TLL1: variants seen among roughly 807,000 people sequenced by gnomAD.
TLL1 encodes tolloid-like protein 1.
In TLL1, 49 loss-of-function variants were observed where a neutral mutation model predicts 128.2. That is an observed-to-expected ratio of 0.38 (90% CI 0.30 to 0.48). TLL1 has a LOEUF of 0.48. TLL1 is among the 20% of genes least tolerant of loss of function. The pLI is 0.96. For synonymous variants in TLL1, 454 were observed against 418.8 expected (o/e 1.08, Z -1.03); for missense variants, 1,123 against 1,242.0 (o/e 0.90, Z 1.44).
At chr4:165,930,057 G>A (rs1733446624) in intron 1 of TLL1, among the ~76,000 whole-genome samples, 1 of 152,140 alleles carries the variant, frequency 6.6e-6, no homozygotes, top group African/African-American at 2.4e-5. Context: ...AGAAAGAGCA[G>A]ACTTGGCTGG....
chr4:165,923,422 T>G (rs1733127428), intron 1 of TLL1, among the ~76,000 whole-genome samples: 1 of 65,084 alleles, frequency 1.5e-5, no homozygotes, highest in Non-Finnish European at 2.6e-5. Context: ...TAGGTATACC[T>G]TTTTTTTTTT....
At position 165,881,977 on chromosome 4, in the gene TLL1, G is replaced by A. The variant is rs1456990246; in HGVS notation, c.169+7904G>A. Among the ~76,000 whole-genome samples the A allele has an allele frequency of 2.0e-5, 3 of 152,162 alleles. No homozygotes were observed. The East Asian group carries it at 5.8e-4, about 29-fold the overall frequency. ...TCATGATTATGAGCCCATACAGAGTGCAAGAACATCCTTTCAAATGCAGGT... is the reference window on the plus strand; with the variant it reads ...TCATGATTATGAGCCCATACAGAGTACAAGAACATCCTTTCAAATGCAGGT... On this transcript the variant is annotated intron_variant, in intron 1 of 20. Transcript: ENST00000061240.
In TLL1 at chr4:166,069,568, A is replaced by G. The variant is rs115773704; in HGVS notation, c.2188+3705A>G. Among the ~76,000 whole-genome samples the G allele has an allele frequency of 7.2e-3, 1,100 of 151,904 alleles. 11 individuals carry two copies. Among genetic ancestry groups the G allele is most frequent in the African/African-American group, 0.026 (1,062 of 41,550 alleles). The stretch of plus-strand genomic sequence containing the variant: ...AAGTTTTAACATACAATGAAATAAT[A>G]TATTTATAGTATTATTTTCAACATA... On this transcript the variant is annotated intron_variant, in intron 16 of 20. Transcript: ENST00000061240.
chr4:166,061,424 T>C (rs767111703), intron 15 of TLL1, among the ~76,000 whole-genome samples: 1 of 151,950 alleles, frequency 6.6e-6, no homozygotes, highest in African/African-American at 2.4e-5. Context: ...TTTTTGCATT[T>C]AGTAGAGACG....
intron 1 of TLL1, among the ~76,000 whole-genome samples, chr4:165,890,941 C>G (rs1039892905): frequency 6.6e-6 from 1 of 152,198 alleles, no homozygotes; most frequent in South Asian, 2.1e-4. Flanking sequence ...GCCTGGACAT[C>G]CAGGCACTTC....
chr4:166,042,244 T>C (rs1034672707), intron 11 of TLL1, 101 bp downstream of exon 11: 18 of 827,038 alleles, frequency 2.2e-5, no homozygotes, highest in Middle Eastern at 2.5e-4. Flanking sequence ...TATTGTAAAA[T>C]TATGAATTTT....
rs1740957155 is a variant in TLL1, at chr4:166,074,988, C to G, written c.2299C>G (p.His767Asp). 1.2e-6 allele frequency: 2 copies of G among 1,613,402 alleles called. No homozygotes were observed. The highest frequency in any genetic ancestry group is 2.7e-5 in the African/African-American group (2 of 74,900). Residue 767 changes from histidine (H) to aspartate (D), a missense_variant, in exon 17 of 21, where the codon CAT (histidine) becomes GAT (aspartate). His to Asp is a moderately conservative substitution (Grantham distance 81). Around this residue, in one of 3 missense-constraint regions of TLL1, gnomAD observed 634 missense variants for 672.4 expected, o/e 0.94. Coordinates refer to ENST00000061240, the MANE Select transcript of TLL1 (RefSeq NM_012464.5). ...RNGFVLHDNK[H>D]DCKEAECEQK... ...TGGATTTGTGCTACATGACAATAAA[C>G]ATGATTGCAAGGAAGGTATGGAACG... is the stretch of plus-strand genomic sequence containing the variant.
chr4:165,937,860 C>T (rs1033918759), intron 1 of TLL1, among the ~76,000 whole-genome samples: 2 of 126,492 alleles, frequency 1.6e-5, no homozygotes, highest in African/African-American at 2.8e-5. Flanking sequence ...CCCACCCCCC[C>T]CCCAAAAAAA....
chr4:165,968,770 T>C (rs1438901722), intron 1 of TLL1, among the ~76,000 whole-genome samples: 1 of 152,084 alleles, frequency 6.6e-6, no homozygotes, highest in Non-Finnish European at 1.5e-5. Flanking sequence ...TGAGATAGAA[T>C]TGTTGTAGTA....
At chr4:166,046,495 AT>A (rs1739466102) in intron 12 of TLL1, among the ~76,000 whole-genome samples, 1 of 152,184 alleles carries the variant, frequency 6.6e-6, no homozygotes, top group Non-Finnish European at 1.5e-5. Flanking sequence ...ACCCAGGTAC[AT>A]TTGATCCTGA....
intron 1 of TLL1, among the ~76,000 whole-genome samples, chr4:165,931,208 C>A (rs115170971): frequency 6.6e-6 from 1 of 152,006 alleles, no homozygotes; most frequent in East Asian, 1.9e-4. Context: ...CCAAGGCATT[C>A]GACTATATTC....
At chr4:165,954,881 G>A (rs76250504) in intron 1 of TLL1, among the ~76,000 whole-genome samples, 7,250 of 152,078 alleles carry the variant, frequency 0.048, 460 homozygotes, top group African/African-American at 0.14. Flanking sequence ...AAGAATTCTG[G>A]CAATGGCAAT....
At chr4:165,980,697 T>A (rs970966046) in intron 1 of TLL1, among the ~76,000 whole-genome samples, 1 of 152,094 alleles carries the variant, frequency 6.6e-6, no homozygotes, top group African/African-American at 2.4e-5. Flanking sequence ...TGGAATTTTT[T>A]AAATGGTAAA....
intron 1 of TLL1, among the ~76,000 whole-genome samples, chr4:165,888,697 A>C (rs1050895440): frequency 2.0e-5 from 3 of 152,142 alleles, no homozygotes; most frequent in African/African-American, 4.8e-5. Flanking sequence ...ATGTGGTCTC[A>C]GAAGATATTT....
At chr4:165,935,727 C>A (rs1381189512) in intron 1 of TLL1, among the ~76,000 whole-genome samples, 2 of 152,130 alleles carry the variant, frequency 1.3e-5, no homozygotes, top group Non-Finnish European at 2.9e-5. Context: ...TTTAGTCTGG[C>A]CCATTTTAGA....
rs549763497 is a variant in TLL1 at position 166,003,070 on chromosome 4, G to A, written c.633-321G>A. Reference sequence around the variant, plus strand: ...CTATATGTCTTAGAAATACAACATCGTCATCATGATATAAGTGTCATCACC... The same window carrying A: ...CTATATGTCTTAGAAATACAACATCATCATCATGATATAAGTGTCATCACC... On this transcript the variant is annotated intron_variant, in intron 5 of 20. Transcript: ENST00000061240. Among the ~76,000 whole-genome samples, 7 of 152,160 alleles carry A rather than the reference G, an allele frequency of 4.6e-5. No individual in the cohort carries two copies. In the East Asian group the frequency reaches 5.8e-4, roughly 13 times the overall value.
intron 1 of TLL1, among the ~76,000 whole-genome samples, chr4:165,981,091 A>G (rs1736128323): frequency 1.3e-5 from 2 of 152,024 alleles, no homozygotes; most frequent in East Asian, 3.9e-4. Context: ...AACCAATATA[A>G]TTATCTGAAA....
intron 1 of TLL1, among the ~76,000 whole-genome samples, chr4:165,985,078 G>C (rs749296922): frequency 1.3e-5 from 2 of 151,870 alleles, no homozygotes; most frequent in Non-Finnish European, 2.9e-5. Context: ...TTTATTTCTG[G>C]TACTATGGCA....
At chr4:165,970,759 C>G (rs1251898231) in intron 1 of TLL1, among the ~76,000 whole-genome samples, 1 of 152,144 alleles carries the variant, frequency 6.6e-6, no homozygotes, top group Non-Finnish European at 1.5e-5. Context: ...TAACCATATA[C>G]AGGCATTTTA....
Sources: gnomAD v4.1 joint callset for allele counts (sites outside exome capture counted in the v4.1 genomes callset) on GRCh38, gnomAD v4.1.1 for gene constraint, gnomAD v4.1.1 regional missense constraint, MANE v1.5 for transcripts, NCBI Gene and HGNC (gene_info 2026-07-23, HGNC 2026-07-21) for gene names.